Variants in VWA5A observed in about 807,000 individuals in gnomAD.
The protein encoded by VWA5A is von Willebrand factor A domain-containing protein 5A.
VWA5A carries 77 observed loss-of-function variants against 84.6 expected under a neutral mutation model. The ratio of observed to expected loss-of-function variants is 0.91; its 90% CI spans 0.76 to 1.10. VWA5A has a LOEUF of 1.10. VWA5A is among the 50% of genes least tolerant of loss of function. The probability of loss-of-function intolerance (pLI) is 0.00; values close to 1 mark genes in which losing one functional copy is unlikely to be tolerated. For missense variants in VWA5A, 973 were observed against 963.0 expected (o/e 1.01, Z -0.14); for synonymous variants, 334 against 350.1 (o/e 0.95, Z 0.51).
intron 11 of VWA5A, among the ~76,000 whole-genome samples, chr11:124,131,234 G>C (rs1865092619): frequency 6.6e-6 from 1 of 152,010 alleles, no homozygotes; most frequent in Non-Finnish European, 1.5e-5. Flanking sequence ...ACCTGAGGCT[G>C]CTACTAAGTG....
rs1860602352 is a variant in VWA5A at position 124,136,781 on chromosome 11, C to CCTCT, written c.1625+107_1625+108insCTCT. On this transcript the variant is annotated intron_variant, in intron 14 of 18. Coordinates refer to ENST00000456829, the MANE Select transcript of VWA5A (RefSeq NM_001130142.2). The stretch of plus-strand genomic sequence containing the variant: ...CCCTCCCTCCCTCCCTCCCTCCCTC[C>CCTCT]TTCCTTCCTTCTTTCCTCTGCCATC... 9.4e-6 allele frequency: 8 copies of CCTCT among 851,756 alleles called. No homozygotes were observed. The East Asian group carries it at 2.3e-4, about 24-fold the overall frequency. 52.8% of individuals were successfully genotyped at this position (851,756 alleles called of 1,614,324 possible).
chr11:124,118,311 G>A lies in VWA5A; in HGVS notation c.369G>A (p.Ala123=), dbSNP rs770329579. The change falls in exon 5 of 19, where the codon GCG becomes GCA. Residue 123 remains alanine (A), a synonymous_variant. Coordinates refer to ENST00000456829, the MANE Select transcript of VWA5A (RefSeq NM_001130142.2). ...NVGNLQPGSK[A]AVTLKYVQEL... is the part of the protein sequence containing the mutation. ...GTAACCTCCAACCTGGGTCGAAGGC[G>A]GCAGTCACCCTGAAGTATGTGCAGG... 7.4e-6 allele frequency: 12 copies of A among 1,614,066 alleles called. No homozygotes were observed. Among genetic ancestry groups the A allele is most frequent in the Admixed American group, 5.0e-5 (3 of 60,010 alleles).
intron 7 of VWA5A, among the ~76,000 whole-genome samples, chr11:124,122,330 C>A (rs1025952071): frequency 6.6e-6 from 1 of 152,184 alleles, no homozygotes; most frequent in Non-Finnish European, 1.5e-5. Flanking sequence ...GACTGGGCTC[C>A]TGTGGTCACC....
chr11:124,140,340 T>C (rs1437530413), intron 15 of VWA5A, among the ~76,000 whole-genome samples: 1 of 152,026 alleles, frequency 6.6e-6, no homozygotes, highest in East Asian at 1.9e-4. Flanking sequence ...CAAGCTGACA[T>C]ATAGGAAAAA....
intron 16 of VWA5A, among the ~76,000 whole-genome samples, chr11:124,142,077 A>G (rs1257350844): frequency 6.6e-6 from 1 of 152,152 alleles, no homozygotes; most frequent in Non-Finnish European, 1.5e-5. Flanking sequence ...TATGTTTCCC[A>G]GGGTCAGCCT....
intron 11 of VWA5A, among the ~76,000 whole-genome samples, chr11:124,131,422 C>T (rs920303626): frequency 6.6e-6 from 1 of 151,786 alleles, no homozygotes; most frequent in Non-Finnish European, 1.5e-5. Flanking sequence ...TGCAGTGGAC[C>T]GCACATAACT....
chr11:124,117,827 C>G lies in VWA5A; in HGVS notation c.198C>G (p.Ala66=). 6.2e-7 allele frequency: 1 copy of G among 1,614,088 alleles called. No individual in the cohort carries two copies. Among genetic ancestry groups the G allele is most frequent in the Non-Finnish European group, 8.5e-7 (1 of 1,180,014 alleles). The change falls in exon 4 of 19, where the codon GCC becomes GCG. Residue 66 remains alanine (A), a synonymous_variant. Coordinates refer to ENST00000456829, the MANE Select transcript of VWA5A (RefSeq NM_001130142.2). ...DEDSAVYSFE[A]LVDGKKIVAE... ...ACTCTGCTGTTTACAGCTTTGAGGCCTTGGTGGATGGGAAGAAAATTGTAG... is the reference window on the plus strand; with the variant it reads ...ACTCTGCTGTTTACAGCTTTGAGGCGTTGGTGGATGGGAAGAAAATTGTAG...
intron 7 of VWA5A, among the ~76,000 whole-genome samples, chr11:124,122,176 C>A (rs1213810027): frequency 6.6e-6 from 1 of 152,156 alleles, no homozygotes; most frequent in African/African-American, 2.4e-5. Flanking sequence ...AATTATATAG[C>A]CTCTTATATT....
chr11:124,121,103 C>G (rs1358285133), intron 7 of VWA5A, among the ~76,000 whole-genome samples: 1 of 152,190 alleles, frequency 6.6e-6, no homozygotes. Flanking sequence ...TAAGCGGCAG[C>G]TTGTCTCACT....
In VWA5A at chr11:124,123,765, C is replaced by T. The variant is rs754364128; in HGVS notation, c.1125C>T (p.Asn375=). The change falls in exon 10 of 19, where the codon AAC becomes AAT. Residue 375 remains asparagine, a synonymous_variant. Coordinates refer to ENST00000456829, the MANE Select transcript of VWA5A (RefSeq NM_001130142.2). ...GGTEILAPLQ[N]IYRGPSIPGH... ...CTGAAATCTTGGCACCACTCCAGAA[C>T]ATTTACAGGGGACCCTCCATCCCAG... 3 of 1,603,444 alleles carry T rather than the reference C, an allele frequency of 1.9e-6. No homozygotes were observed. Among genetic ancestry groups the T allele is most frequent in the Non-Finnish European group, 2.6e-6 (3 of 1,175,782 alleles).
intron 8 of VWA5A, 28 bp from the exon 9 acceptor site, chr11:124,123,338 C>T: frequency 6.2e-7 from 1 of 1,604,098 alleles, no homozygotes; most frequent in South Asian, 1.1e-5. Context: ...CTCTCTCACT[C>T]TGTCTCTTCA....
intron 11 of VWA5A, among the ~76,000 whole-genome samples, chr11:124,125,229 T>C (rs1865000732): frequency 2.0e-5 from 3 of 152,028 alleles, no homozygotes; most frequent in Non-Finnish European, 2.9e-5. Flanking sequence ...ATCCAAAACA[T>C]GATATTGTTT....
chr11:124,128,509 T>C (rs1359076586), intron 11 of VWA5A, among the ~76,000 whole-genome samples: 1 of 152,196 alleles, frequency 6.6e-6, no homozygotes, highest in Non-Finnish European at 1.5e-5. Flanking sequence ...CTTTTTTGGT[T>C]CCATATGAAA....
chr11:124,141,314 TCA>T (rs1278266785), intron 15 of VWA5A, among the ~76,000 whole-genome samples: 1 of 152,156 alleles, frequency 6.6e-6, no homozygotes, highest in Non-Finnish European at 1.5e-5. Flanking sequence ...GAGGATAAAT[TCA>T]GTTTTAAGTT....
Position 124,119,201 on chromosome 11 carries a change from T to G in VWA5A, c.760+112T>G. On this transcript the variant is annotated intron_variant, in intron 7 of 18. Transcript: ENST00000456829. ...TCCCTCCAGGGGTGGTTAATACATG[T>G]GAAACACTGAAATAGTTTACACTAT... is the stretch of plus-strand genomic sequence containing the variant. The G allele has an allele frequency of 3.2e-6, 3 of 924,404 alleles. 1 individual carries two copies. The South Asian group carries it at 4.9e-5, about 15-fold the overall frequency. The allele number at this position is 924,404 out of a possible 1,614,324, so 57.3% of individuals were successfully genotyped here.
rs542481783 is a variant in VWA5A at position 124,133,933 on chromosome 11, C to G, written c.1245-987C>G. On this transcript the variant is annotated intron_variant, in intron 11 of 18. Transcript: ENST00000456829. ...TTGTTGTTGTTTGATTGTTTAGAGA[C>G]CGGGTCTGTCACTTTGTTGCCTAGG... is the stretch of plus-strand genomic sequence containing the variant. Among the ~76,000 whole-genome samples the G allele has an allele frequency of 1.1e-4, 17 of 152,228 alleles. No individual in the cohort carries two copies. The South Asian group carries it at 3.5e-3, about 32-fold the overall frequency.
rs1339785860 is a variant in VWA5A, at chr11:124,117,732, G to C, written c.103G>C (p.Ala35Pro). 1.9e-6 allele frequency: 3 copies of C among 1,614,200 alleles called. No homozygotes were observed. Among genetic ancestry groups the C allele is most frequent in the South Asian group, 1.1e-5 (1 of 91,088 alleles). ...NIYEFVAGVSATLNYENEEKV... is the reference protein window; with the variant it reads ...NIYEFVAGVSPTLNYENEEKV... ...TTACGAGTTTGTGGCTGGTGTGTCT[G>C]CAACTTTGAACTACGAGAATGAGGA... The change falls in exon 4 of 19, where the codon GCA becomes CCA. Residue 35 changes from alanine to proline, a missense_variant. Physicochemically the swap from Ala to Pro is conservative, Grantham distance 27. Transcript: ENST00000456829.
Position 124,119,096 on chromosome 11 carries a change from T to C in VWA5A, c.760+7T>C. 1 of 1,612,218 alleles carries C rather than the reference T, an allele frequency of 6.2e-7. No individual in the cohort carries two copies. The highest frequency in any genetic ancestry group is 1.7e-5 in the Admixed American group (1 of 59,898). ...ATGCCTAACATGAAGCCAGGTATTTTCTTTCTTCCTTTGTAGTCATCCCCT... is the reference window on the plus strand; with the variant it reads ...ATGCCTAACATGAAGCCAGGTATTTCCTTTCTTCCTTTGTAGTCATCCCCT... On this transcript the variant is annotated splice_region_variant and intron_variant, in intron 7 of 18. Coordinates refer to ENST00000456829, the MANE Select transcript of VWA5A (RefSeq NM_001130142.2).
chr11:124,129,556 A>G (rs1865067414), intron 11 of VWA5A, among the ~76,000 whole-genome samples: 1 of 152,148 alleles, frequency 6.6e-6, no homozygotes, highest in Admixed American at 6.5e-5. Flanking sequence ...AAGGAATGGT[A>G]CCAGCTCCTC....
Sources: allele counts gnomAD v4.1 joint callset (sites outside exome capture counted in the v4.1 genomes callset), GRCh38; gene constraint gnomAD v4.1.1; transcripts MANE v1.5; gene names NCBI Gene and HGNC (gene_info 2026-07-23, HGNC 2026-07-21).